Variants in NRG1 observed in about 807,000 individuals in gnomAD.
The protein encoded by NRG1 is neuregulin 1, also known as pro-neuregulin-1, membrane-bound isoform.
In NRG1, 18 loss-of-function variants were observed where a neutral mutation model predicts 63.8. That is an observed-to-expected ratio of 0.28 (90% CI 0.19 to 0.42). The LOEUF (loss-of-function observed/expected upper bound fraction) is 0.42, where lower values mean the gene tolerates loss of function less well. Among genes scored for constraint, NRG1 ranks in the 10% least tolerant of loss-of-function variants. The pLI, the probability that NRG1 is intolerant of heterozygous loss-of-function variation, is 1.00. For missense variants in NRG1, 762 were observed against 814.7 expected (o/e 0.94, Z 0.79); for synonymous variants, 302 against 301.3 (o/e 1.00, Z -0.02).
At position 32,106,641 on chromosome 8, in the gene NRG1, AC is replaced by A. The variant is rs1485700849; in HGVS notation, c.37+467211del. ...TTACAGAGATCTCTTTGGTAATATG[AC>A]TATTTTAATAAAATATTCACAATTA... is the stretch of plus-strand genomic sequence containing the variant. On this transcript the variant is annotated intron_variant, in intron 1 of 10. Transcript: ENST00000519301. Among the ~76,000 whole-genome samples the A allele has an allele frequency of 2.0e-5, 3 of 152,354 alleles. No homozygotes were observed. The East Asian group carries it at 5.8e-4, about 29-fold the overall frequency.
At chr8:31,704,184 G>C (rs1182832819) in intron 1 of NRG1, among the ~76,000 whole-genome samples, 2 of 152,004 alleles carry the variant, frequency 1.3e-5, no homozygotes, top group African/African-American at 4.8e-5. Flanking sequence ...TCTACATATG[G>C]GTCTGAAATC....
chr8:31,921,552 C>T (rs535338785), intron 1 of NRG1, among the ~76,000 whole-genome samples: 3 of 152,186 alleles, frequency 2.0e-5, no homozygotes, highest in East Asian at 1.9e-4. Context: ...CTGGACAGAC[C>T]TCTGGCATCA....
chr8:32,508,436 A>C (rs868836273), intron 1 of NRG1, among the ~76,000 whole-genome samples: 216 of 150,140 alleles, frequency 1.4e-3, no homozygotes, highest in African/African-American at 5.1e-3. Context: ...GATTACAGGT[A>C]CCTGCCACCA....
chr8:32,214,010 T>C (rs563690033), intron 1 of NRG1, among the ~76,000 whole-genome samples: 2 of 152,256 alleles, frequency 1.3e-5, no homozygotes, highest in African/African-American at 2.4e-5. Context: ...GGGAAACCTA[T>C]TGTAGATAAA....
At chr8:32,080,383 A>G (rs2131145207) in intron 1 of NRG1, among the ~76,000 whole-genome samples, 1 of 152,298 alleles carries the variant, frequency 6.6e-6, no homozygotes, top group African/African-American at 2.4e-5. Context: ...GTTGCTGAGC[A>G]GAAGGTGCCA....
intron 1 of NRG1, among the ~76,000 whole-genome samples, chr8:32,589,749 A>G (rs1385396134): frequency 6.6e-6 from 1 of 152,234 alleles, no homozygotes; most frequent in African/African-American, 2.4e-5. Context: ...AATATTCGAT[A>G]TAGCTGCACG....
chr8:32,206,163 T>C (rs994620039), intron 1 of NRG1, among the ~76,000 whole-genome samples: 4 of 152,108 alleles, frequency 2.6e-5, no homozygotes, highest in Admixed American at 2.0e-4. Context: ...ACCAGTTTTA[T>C]TGGAAGATGA....
At chr8:32,299,702 A>G (rs1338840851) in intron 1 of NRG1, among the ~76,000 whole-genome samples, 2 of 152,188 alleles carry the variant, frequency 1.3e-5, no homozygotes, top group East Asian at 3.9e-4. Context: ...AGGAGGCGCA[A>G]AGGCACATCT....
intron 11 of NRG1, among the ~76,000 whole-genome samples, chr8:32,762,053 A>AC (rs1564134742): frequency 6.6e-6 from 1 of 150,638 alleles, no homozygotes; most frequent in East Asian, 1.9e-4. Flanking sequence ...AAAAAAAAAA[A>AC]AAAAAAACAT....
chr8:31,991,979 T>C (rs919448504), intron 1 of NRG1, among the ~76,000 whole-genome samples: 2 of 151,920 alleles, frequency 1.3e-5, no homozygotes, highest in African/African-American at 4.8e-5. Flanking sequence ...TATGACACAC[T>C]GCAATTCATC....
intron 5 of NRG1, among the ~76,000 whole-genome samples, chr8:32,636,581 C>G (rs981481924): frequency 6.6e-6 from 1 of 152,112 alleles, no homozygotes; most frequent in Non-Finnish European, 1.5e-5. Flanking sequence ...AGCATCTAAC[C>G]TTTCAGATTT....
intron 1 of NRG1, among the ~76,000 whole-genome samples, chr8:32,521,855 GA>G (rs1319169695): frequency 6.6e-6 from 1 of 152,144 alleles, no homozygotes; most frequent in African/African-American, 2.4e-5. Context: ...ATTCCCACAG[GA>G]AAAACTTCTT....
intron 1 of NRG1, among the ~76,000 whole-genome samples, chr8:32,298,504 T>A (rs1019327526): frequency 6.7e-6 from 1 of 149,344 alleles, no homozygotes; most frequent in South Asian, 2.1e-4. Context: ...TCACCAGAGG[T>A]CGGGAGTTCG....
At chr8:32,539,660 T>A (rs74495843) in intron 1 of NRG1, among the ~76,000 whole-genome samples, 122 of 152,288 alleles carry the variant, frequency 8.0e-4, no homozygotes, top group Non-Finnish European at 1.6e-3. Context: ...CAGCTGTAGA[T>A]AAACATTTAC....
intron 6 of NRG1, among the ~76,000 whole-genome samples, chr8:32,737,773 T>C (rs1440985076): frequency 6.7e-6 from 1 of 149,140 alleles, no homozygotes; most frequent in African/African-American, 2.5e-5. Flanking sequence ...GCCTTCTGGG[T>C]TCAAGCGATT....
At chr8:31,927,489 C>T (rs1834466999) in intron 1 of NRG1, among the ~76,000 whole-genome samples, 1 of 134,600 alleles carries the variant, frequency 7.4e-6, no homozygotes, top group Non-Finnish European at 1.5e-5. Flanking sequence ...CGCTCTGTCG[C>T]CCAGGCTGGA....
chr8:31,781,579 C>T (rs1819691111), intron 1 of NRG1, among the ~76,000 whole-genome samples: 1 of 151,998 alleles, frequency 6.6e-6, no homozygotes, highest in African/African-American at 2.4e-5. Context: ...ACACATTGGC[C>T]AAAGACAGAA....
chr8:32,312,670 C>A (rs1201699071), intron 1 of NRG1, among the ~76,000 whole-genome samples: 2 of 152,064 alleles, frequency 1.3e-5, no homozygotes, highest in Admixed American at 1.3e-4. Context: ...CTGCCTCCCA[C>A]CTGCTAAGGG....
At chr8:32,181,720 C>T (rs1472547973) in intron 1 of NRG1, among the ~76,000 whole-genome samples, 1 of 152,158 alleles carries the variant, frequency 6.6e-6, no homozygotes, top group Admixed American at 6.5e-5. Flanking sequence ...TGATTTATAA[C>T]TGAATCTTCA....
Sources: allele counts gnomAD v4.1 joint callset (sites outside exome capture counted in the v4.1 genomes callset), GRCh38; gene constraint gnomAD v4.1.1; transcripts MANE v1.5; gene names NCBI Gene and HGNC (gene_info 2026-07-23, HGNC 2026-07-21).